SOCS6: variants seen among roughly 807,000 people sequenced by gnomAD.
The protein encoded by SOCS6 is suppressor of cytokine signaling 6, also known as STAT induced STAT inhibitor-4.
Under a neutral mutation model 27.7 loss-of-function variants are expected in SOCS6, and 5 were observed. The observed-to-expected ratio is 0.18, with a 90% CI of 0.09 to 0.38. The LOEUF is 0.38. Ranked by LOEUF, SOCS6 falls within the 10% of genes least tolerant of loss-of-function variation. SOCS6 has a pLI of 1.00. For missense variants in SOCS6, 595 were observed against 688.1 expected, an observed-to-expected ratio of 0.86 and a Z score of 1.51; for synonymous variants, 271 against 260.0, an observed-to-expected ratio of 1.04 and a Z score of -0.41.
intron 1 of SOCS6, among the ~76,000 whole-genome samples, chr18:70,321,323 T>TTTC (rs1910980817): frequency 7.4e-6 from 1 of 135,832 alleles, no homozygotes; most frequent in Non-Finnish European, 1.6e-5. Context: ...TTTTTTTTTT[T>TTTC]TTTTTTTTTT....
At position 70,326,278 on chromosome 18, in the gene SOCS6, A is replaced by T; in HGVS notation, c.*2A>T. The T allele has an allele frequency of 6.2e-7, 1 of 1,608,408 alleles. No homozygotes were observed. The highest frequency in any genetic ancestry group is 8.5e-7 in the Non-Finnish European group (1 of 1,176,798). Reference sequence around the variant, plus strand: ...TATTTACAGGAGAAGCACTACTGAAAGATTGAGAACCCTGCATCTTGCACT... The same window carrying T: ...TATTTACAGGAGAAGCACTACTGAATGATTGAGAACCCTGCATCTTGCACT... On this transcript the variant is annotated 3_prime_UTR_variant, in exon 2 of 2. Coordinates refer to ENST00000397942, the MANE Select transcript of SOCS6 (RefSeq NM_004232.4).
chr18:70,304,802 T>C (rs551043169), intron 1 of SOCS6, among the ~76,000 whole-genome samples: 1 of 152,380 alleles, frequency 6.6e-6, no homozygotes, highest in East Asian at 1.9e-4. Context: ...AGTTATTAAA[T>C]TTTAATGATG....
rs1484228675 is a variant in SOCS6 at position 70,329,961 on chromosome 18, A to G, written c.*3685A>G. ...TAGTCGTTGGAGTGCCATGAAATTAATACTTGCAATTCAGATTGCGGTAGT... is the reference window on the plus strand; with the variant it reads ...TAGTCGTTGGAGTGCCATGAAATTAGTACTTGCAATTCAGATTGCGGTAGT... On this transcript the variant is annotated 3_prime_UTR_variant, in exon 2 of 2. Coordinates refer to ENST00000397942, the MANE Select transcript of SOCS6 (RefSeq NM_004232.4). 6.0e-6 allele frequency: 1 copy of G among 167,104 alleles called. No homozygotes were observed. The highest frequency in any genetic ancestry group is 1.5e-5 in the Non-Finnish European group (1 of 68,104). 10.4% of individuals were successfully genotyped at this position (167,104 alleles called of 1,614,324 possible). A position where few individuals can be genotyped will look rare whatever the true frequency, so the allele number is the denominator to read the frequency against.
intron 1 of SOCS6, among the ~76,000 whole-genome samples, chr18:70,319,980 G>C (rs553864793): frequency 1.4e-4 from 22 of 151,844 alleles, no homozygotes; most frequent in Admixed American, 5.9e-4. Context: ...ATTATTGCCA[G>C]TGATAAAATT....
At chr18:70,323,561 T>C (rs1016458924) in intron 1 of SOCS6, among the ~76,000 whole-genome samples, 6 of 152,122 alleles carry the variant, frequency 3.9e-5, no homozygotes, top group African/African-American at 1.4e-4. Context: ...ACTAGACACA[T>C]GGGTTTTTAT....
chr18:70,289,681 C>T (rs1196197191), intron 1 of SOCS6, among the ~76,000 whole-genome samples: 1 of 150,848 alleles, frequency 6.6e-6, no homozygotes, highest in Non-Finnish European at 1.5e-5. Context: ...GGGACGCCCC[C>T]GCCCCACCGC....
rs1044160827 is a variant in SOCS6, at chr18:70,328,109, A to T, written c.*1833A>T. The T allele has an allele frequency of 6.0e-6, 1 of 166,752 alleles. No homozygotes were observed. Among genetic ancestry groups the T allele is most frequent in the African/African-American group, 2.4e-5 (1 of 41,462 alleles). The allele number at this position is 166,752 out of a possible 1,614,324, so 10.3% of individuals were successfully genotyped here. A position where few individuals can be genotyped will look rare whatever the true frequency, so the allele number is the denominator to read the frequency against. ...GGAATATGGAGTATACTGTAATAATATAAGTGTTCATTATAAGCTATTTGG... is the reference window on the plus strand; with the variant it reads ...GGAATATGGAGTATACTGTAATAATTTAAGTGTTCATTATAAGCTATTTGG... On this transcript the variant is annotated 3_prime_UTR_variant, in exon 2 of 2. Coordinates refer to ENST00000397942, the MANE Select transcript of SOCS6 (RefSeq NM_004232.4).
At chr18:70,321,082 G>A (rs905077458) in intron 1 of SOCS6, among the ~76,000 whole-genome samples, 4 of 152,102 alleles carry the variant, frequency 2.6e-5, no homozygotes, top group African/African-American at 4.8e-5. Flanking sequence ...TTCAAGACCA[G>A]CCCGGGCAAC....
In SOCS6 at chr18:70,327,230, A is replaced by G. The variant is rs892518155; in HGVS notation, c.*954A>G. 1.8e-5 allele frequency: 3 copies of G among 166,966 alleles called. No homozygotes were observed. Among genetic ancestry groups the G allele is most frequent in the Non-Finnish European group, 4.4e-5 (3 of 68,090 alleles). 10.3% of individuals were successfully genotyped at this position (166,966 alleles called of 1,614,324 possible). Reference sequence around the variant, plus strand: ...TCTTGGGTGAACTTGATTGTCAACTAATTTTCATAAATGGACTGGATTCTC... The same window carrying G: ...TCTTGGGTGAACTTGATTGTCAACTGATTTTCATAAATGGACTGGATTCTC... On this transcript the variant is annotated 3_prime_UTR_variant, in exon 2 of 2. Coordinates refer to ENST00000397942, the MANE Select transcript of SOCS6 (RefSeq NM_004232.4).
rs1269270022 is a variant in SOCS6 at position 70,327,766 on chromosome 18, C to T, written c.*1490C>T. On this transcript the variant is annotated 3_prime_UTR_variant, in exon 2 of 2. Transcript: ENST00000397942. ...GAAAATGTTTCTATCTCAGATGAAACATGTAATTTGGGATGGTTCTTCCTT... is the reference window on the plus strand; with the variant it reads ...GAAAATGTTTCTATCTCAGATGAAATATGTAATTTGGGATGGTTCTTCCTT... 6.0e-6 allele frequency: 1 copy of T among 166,810 alleles called. No homozygotes were observed. Among genetic ancestry groups the T allele is most frequent in the Non-Finnish European group, 1.5e-5 (1 of 68,076 alleles). The allele number at this position is 166,810 out of a possible 1,614,324, so 10.3% of individuals were successfully genotyped here.
intron 1 of SOCS6, among the ~76,000 whole-genome samples, chr18:70,306,170 C>T (rs887171488): frequency 1.2e-4 from 19 of 152,078 alleles, no homozygotes; most frequent in African/African-American, 4.3e-4. Flanking sequence ...GTCGAGGCTG[C>T]AGTGAGCTGT....
At chr18:70,307,821 CTTGT>C (rs1202557490) in intron 1 of SOCS6, among the ~76,000 whole-genome samples, 1 of 151,956 alleles carries the variant, frequency 6.6e-6, no homozygotes, top group African/African-American at 2.4e-5. Context: ...TTTTTTCCCT[CTTGT>C]TTTTCTGTTT....
chr18:70,321,642 T>C (rs1272419779), intron 1 of SOCS6, among the ~76,000 whole-genome samples: 1 of 151,904 alleles, frequency 6.6e-6, no homozygotes, highest in East Asian at 1.9e-4. Context: ...TCGGTTTTAT[T>C]TTCTAGTAGG....
intron 1 of SOCS6, among the ~76,000 whole-genome samples, chr18:70,309,056 C>A: frequency 6.6e-6 from 1 of 152,132 alleles, no homozygotes; most frequent in East Asian, 1.9e-4. Flanking sequence ...CTGTAAGGGT[C>A]AGATTGTAAA....
At chr18:70,289,676 G>T (rs1421129610) in intron 1 of SOCS6, among the ~76,000 whole-genome samples, 1 of 150,716 alleles carries the variant, frequency 6.6e-6, no homozygotes, top group Non-Finnish European at 1.5e-5. Context: ...ACTCGGGGAC[G>T]CCCCCGCCCC....
At chr18:70,314,364 C>T (rs183115767) in intron 1 of SOCS6, 1 of 152,202 alleles carries the variant, frequency 6.6e-6, no homozygotes, top group East Asian at 1.9e-4. Flanking sequence ...CAGTCATGCC[C>T]TGCAAAATGA....
chr18:70,312,886 G>A (rs561121895), intron 1 of SOCS6, among the ~76,000 whole-genome samples: 2 of 148,624 alleles, frequency 1.3e-5, no homozygotes, highest in African/African-American at 5.0e-5. Flanking sequence ...CAATTCTCCT[G>A]CCTCAGCCCT....
At chr18:70,292,292 A>G (rs2062303182) in intron 1 of SOCS6, among the ~76,000 whole-genome samples, 1 of 152,202 alleles carries the variant, frequency 6.6e-6, no homozygotes, top group South Asian at 2.1e-4. Flanking sequence ...AGTGGGGACA[A>G]TAATTTATCT....
rs1911247761 is a variant in SOCS6 at position 70,327,343 on chromosome 18, A to G, written c.*1067A>G. ...AAAGTTGGATTTATATTTTTCTTCT[A>G]TGTAGTTACTATAAAAGTGTGCTGG... On this transcript the variant is annotated 3_prime_UTR_variant, in exon 2 of 2. Coordinates refer to ENST00000397942, the MANE Select transcript of SOCS6 (RefSeq NM_004232.4). The G allele has an allele frequency of 1.8e-5, 3 of 166,738 alleles. No individual in the cohort carries two copies. The highest frequency in any genetic ancestry group is 4.1e-4 in the South Asian group (2 of 4,826). The allele number at this position is 166,738 out of a possible 1,614,324, so 10.3% of individuals were successfully genotyped here.
Sources: allele counts gnomAD v4.1 joint callset (sites outside exome capture counted in the v4.1 genomes callset), GRCh38; gene constraint gnomAD v4.1.1; transcripts MANE v1.5; gene names NCBI Gene and HGNC (gene_info 2026-07-23, HGNC 2026-07-21).